The following COL14A1 variants were observed in gnomAD, a reference collection of about 807,000 sequenced individuals.
COL14A1 encodes collagen type XIV alpha 1 chain.
COL14A1 carries 136 observed loss-of-function variants against 230.3 expected under a neutral mutation model. The ratio of observed to expected loss-of-function variants is 0.59; its 90% CI spans 0.51 to 0.68. COL14A1 has a LOEUF of 0.68. Ranked by LOEUF, COL14A1 falls within the 30% of genes least tolerant of loss-of-function variation. The probability of loss-of-function intolerance (pLI) is 0.00; values close to 1 mark genes in which losing one functional copy is unlikely to be tolerated. For synonymous variants in COL14A1, 792 were observed against 784.1 expected (o/e 1.01, Z -0.17); for missense variants, 1,976 against 2,215.8 (o/e 0.89, Z 2.17).
intron 34 of COL14A1, among the ~76,000 whole-genome samples, chr8:120,292,924 G>A (rs1820416103): frequency 6.6e-6 from 1 of 151,998 alleles, no homozygotes; most frequent in Non-Finnish European, 1.5e-5. Context: ...AAATCAACTG[G>A]TGTTCAGCAA....
intron 5 of COL14A1, among the ~76,000 whole-genome samples, chr8:120,185,697 G>A (rs1169476656): frequency 6.6e-6 from 1 of 152,078 alleles, no homozygotes; most frequent in Non-Finnish European, 1.5e-5. Context: ...AAAAATAGCT[G>A]TTATCCAGTC....
At chr8:120,193,842 A>C (rs989241109) in intron 5 of COL14A1, among the ~76,000 whole-genome samples, 1 of 151,998 alleles carries the variant, frequency 6.6e-6, no homozygotes, top group African/African-American at 2.4e-5. Flanking sequence ...TGGGCGTAGG[A>C]CCCTCCGAGC....
chr8:120,198,857 T>C (rs571502584), intron 7 of COL14A1, among the ~76,000 whole-genome samples: 1 of 152,220 alleles, frequency 6.6e-6, no homozygotes, highest in African/African-American at 2.4e-5. Context: ...GAATTTTTGT[T>C]AATGCAGCAA....
chr8:120,195,197 G>A lies in COL14A1; in HGVS notation c.437-1594G>A, dbSNP rs186510193. On this transcript the variant is annotated intron_variant, in intron 5 of 47. Coordinates refer to ENST00000297848, the MANE Select transcript of COL14A1 (RefSeq NM_021110.4). ...TTAAGCAAAATGTGGCCTGGTAGGC[G>A]CAGAGACACGTATATTAAACTGCCT... 1.5e-3 allele frequency among the ~76,000 whole-genome samples: 223 copies of A among 152,170 alleles called. 1 individual carries two copies. Among genetic ancestry groups the A allele is most frequent in the African/African-American group, 4.9e-3 (204 of 41,522 alleles).
chr8:120,229,821 G>T (rs948253878), intron 18 of COL14A1, among the ~76,000 whole-genome samples: 1 of 152,150 alleles, frequency 6.6e-6, no homozygotes, highest in East Asian at 1.9e-4. Flanking sequence ...GTGTGAGATG[G>T]TATCTCATTG....
Position 120,162,445 on chromosome 8 carries a change from G to A in COL14A1, c.225G>A (p.Leu75=), listed in dbSNP as rs1815710885. The A allele has an allele frequency of 1.2e-6, 2 of 1,601,462 alleles. No homozygotes were observed. The highest frequency in any genetic ancestry group is 2.7e-5 in the African/African-American group (2 of 74,290). The change falls in exon 4 of 48, where the codon CTG becomes CTA. Residue 75 remains leucine, a synonymous_variant. Transcript: ENST00000297848. The stretch of plus-strand genomic sequence containing the variant: ...TTATAGGTGGAAAAACTAACCAGCT[G>A]AATCTGCAGAACACTGCAACTAAAG... ...TPTSGGKTNQ[L]NLQNTATKAI... is the part of the protein sequence containing the mutation.
At chr8:120,255,172 A>T (rs1819103686) in intron 22 of COL14A1, 68 bp from the exon 23 acceptor site, 1 of 1,308,126 alleles carries the variant, frequency 7.6e-7, no homozygotes. Context: ...CCAGAAGTTA[A>T]TTTCAGATTC....
Position 120,371,132 on chromosome 8 carries a change from C to T in COL14A1, c.5312-20C>T. The T allele has an allele frequency of 6.3e-7, 1 of 1,586,706 alleles. No homozygotes were observed. On this transcript the variant is annotated intron_variant, in intron 47 of 47. Transcript: ENST00000297848. ...GATTCCTGGGTGCAGCAAGTCCCCA[C>T]CCCCACTTTTCCTCTTTAGCTCCCC...
At chr8:120,171,394 T>C (rs1021006734) in intron 5 of COL14A1, among the ~76,000 whole-genome samples, 1 of 152,186 alleles carries the variant, frequency 6.6e-6, no homozygotes, top group Non-Finnish European at 1.5e-5. Flanking sequence ...TCTCAGACCT[T>C]CTCTGTGTAT....
upstream of COL14A1, chr8:120,125,090 G>T (rs1220435478): frequency 6.6e-6 from 1 of 152,390 alleles, no homozygotes; most frequent in Admixed American, 6.5e-5. Flanking sequence ...GGCTGCCGGC[G>T]GGCCTTCCTT....
chr8:120,290,236 T>A (rs1289521147), intron 34 of COL14A1, among the ~76,000 whole-genome samples: 1 of 152,182 alleles, frequency 6.6e-6, no homozygotes, highest in African/African-American at 2.4e-5. Flanking sequence ...ATTTTAAAAC[T>A]AGGTTTTGCT....
chr8:120,277,411 C>G (rs1032038263), intron 26 of COL14A1: 2 of 152,106 alleles, frequency 1.3e-5, no homozygotes, highest in African/African-American at 4.8e-5. Flanking sequence ...AAAAATCCTA[C>G]AAGCTTGAAA....
At chr8:120,205,313 A>T (rs1449734236) in intron 9 of COL14A1, among the ~76,000 whole-genome samples, 1 of 152,096 alleles carries the variant, frequency 6.6e-6, no homozygotes, top group Non-Finnish European at 1.5e-5. Flanking sequence ...GTGGGAGCTC[A>T]CCGCTGGGAG....
chr8:120,193,309 C>T (rs957117892), intron 5 of COL14A1, among the ~76,000 whole-genome samples: 7 of 152,184 alleles, frequency 4.6e-5, no homozygotes, highest in Admixed American at 3.3e-4. Context: ...GCTAGAGGTC[C>T]ACTCCAGACC....
At chr8:120,303,909 A>C (rs1340001771) in intron 36 of COL14A1, among the ~76,000 whole-genome samples, 1 of 152,010 alleles carries the variant, frequency 6.6e-6, no homozygotes, top group African/African-American at 2.4e-5. Context: ...TTATGGATTC[A>C]ATTTTAGACC....
At chr8:120,296,988 T>G (rs1411847741) in intron 34 of COL14A1, among the ~76,000 whole-genome samples, 1 of 152,058 alleles carries the variant, frequency 6.6e-6, no homozygotes, top group African/African-American at 2.4e-5. Context: ...GTATCTGGCT[T>G]ATATTATGCA....
chr8:120,333,470 C>G (rs1352311777), intron 42 of COL14A1, among the ~76,000 whole-genome samples: 1 of 152,186 alleles, frequency 6.6e-6, no homozygotes, highest in Non-Finnish European at 1.5e-5. Context: ...CTGTGAATTG[C>G]TAAGTCTACA....
chr8:120,134,835 T>A (rs1554596254), intron 1 of COL14A1, among the ~76,000 whole-genome samples: 1 of 151,822 alleles, frequency 6.6e-6, no homozygotes, highest in Non-Finnish European at 1.5e-5. Context: ...AACAGTTGGG[T>A]ATGGTGGTGC....
intron 2 of COL14A1, among the ~76,000 whole-genome samples, chr8:120,150,268 G>A (rs923284498): frequency 2.0e-5 from 3 of 152,112 alleles, no homozygotes; most frequent in African/African-American, 4.8e-5. Flanking sequence ...TAGCAATATC[G>A]ATGATTCTCA....
Sources: gnomAD v4.1 joint callset for allele counts (sites outside exome capture counted in the v4.1 genomes callset) on GRCh38, gnomAD v4.1.1 for gene constraint, MANE v1.5 for transcripts, NCBI Gene and HGNC (gene_info 2026-07-23, HGNC 2026-07-21) for gene names.